The following AQP8 variants were observed in gnomAD, a reference collection of about 807,000 sequenced individuals.
The protein encoded by AQP8 is aquaporin 8, also known as aquaporin-8.
In AQP8, 14 loss-of-function variants were observed where a neutral mutation model predicts 26.1. The ratio of observed to expected loss-of-function variants is 0.54; its 90% CI spans 0.35 to 0.84. The LOEUF is 0.84. Ranked by LOEUF, AQP8 falls within the 40% of genes least tolerant of loss-of-function variation. AQP8 has a pLI of 0.01. For missense variants in AQP8, 301 were observed against 340.5 expected (o/e 0.88, Z 0.91); for synonymous variants, 131 against 150.7 (o/e 0.87, Z 0.96).
chr16:25,222,746 C>T (rs191965139), intron 3 of AQP8, among the ~76,000 whole-genome samples: 2 of 152,066 alleles, frequency 1.3e-5, no homozygotes, highest in Non-Finnish European at 2.9e-5. Context: ...AAGTGCTGAC[C>T]CACCGCAGAC....
rs1555488118 is a variant in AQP8 at position 25,217,058 on chromosome 16, G to T, written c.12+1G>T. ...CCATCTGATCCTGATGTCTGGAGAG[G>T]TGAGCCCTCTGTCGGCATCTTCCTC... On this transcript the variant is annotated splice_donor_variant, in intron 1 of 5. Transcript: ENST00000219660. LOFTEE classifies it high-confidence loss of function. 1 of 1,614,016 alleles carries T rather than the reference G, an allele frequency of 6.2e-7. No individual in the cohort carries two copies. Among genetic ancestry groups the T allele is most frequent in the Non-Finnish European group, 8.5e-7 (1 of 1,180,046 alleles).
rs759578291 is a variant in AQP8 at position 25,217,397 on chromosome 16, C to T, written c.212C>T (p.Ala71Val). ...ACTGGGCTGCTGCAGCCGGCCCTGGCCCACGGGCTGGCTTTGGGGCTCGTG... is the reference window on the plus strand; with the variant it reads ...ACTGGGCTGCTGCAGCCGGCCCTGGTCCACGGGCTGGCTTTGGGGCTCGTG... ...TDTGLLQPAL[A>V]HGLALGLVIA... The change falls in exon 2 of 6, where the codon GCC becomes GTC. Residue 71 changes from alanine to valine, a missense_variant. Ala to Val is a moderately conservative substitution (Grantham distance 64). Transcript: ENST00000219660. 3 of 1,614,116 alleles carry T rather than the reference C, an allele frequency of 1.9e-6. No homozygotes were observed. Among genetic ancestry groups the T allele is most frequent in the Non-Finnish European group, 2.5e-6 (3 of 1,180,008 alleles).
At chr16:25,218,882 AAAACAAACAAAC>A (rs751686924) in intron 2 of AQP8, among the ~76,000 whole-genome samples, 3 of 151,072 alleles carry the variant, frequency 2.0e-5, no homozygotes, top group Non-Finnish European at 4.4e-5. Context: ...CCATCTCCAA[AAAACAAACAAAC>A]AAACAAACAA....
At chr16:25,227,338 A>G in intron 5 of AQP8, 136 bp downstream of exon 5, 1 of 1,084,440 alleles carries the variant, frequency 9.2e-7, no homozygotes, top group Non-Finnish European at 1.3e-6. Flanking sequence ...AGGCAAAGAA[A>G]ATGGCTCCAT....
chr16:25,227,632 G>C (rs1240158517), intron 5 of AQP8, among the ~76,000 whole-genome samples: 1 of 151,998 alleles, frequency 6.6e-6, no homozygotes, highest in African/African-American at 2.4e-5. Flanking sequence ...GGGACTACAG[G>C]CGCCGCCACC....
intron 3 of AQP8, among the ~76,000 whole-genome samples, chr16:25,223,599 C>T (rs180859273): frequency 6.6e-6 from 1 of 152,180 alleles, no homozygotes; most frequent in East Asian, 1.9e-4. Flanking sequence ...GTCCCAGCTA[C>T]ATGAGAGGCT....
intron 2 of AQP8, 148 bp downstream of exon 2, chr16:25,217,593 G>C: frequency 9.0e-7 from 1 of 1,112,778 alleles, no homozygotes; most frequent in South Asian, 1.5e-5. Flanking sequence ...GTCAGACTGG[G>C]GTCAACTCCA....
At chr16:25,222,133 A>C (rs1374884389) in intron 3 of AQP8, among the ~76,000 whole-genome samples, 1 of 150,494 alleles carries the variant, frequency 6.6e-6, no homozygotes, top group East Asian at 2.0e-4. Context: ...TGGTGCAATC[A>C]TAGCTCACTG....
chr16:25,217,161 C>A (rs1353622782), intron 1 of AQP8, 37 bp from the exon 2 acceptor site: 1 of 1,613,372 alleles, frequency 6.2e-7, no homozygotes, highest in Non-Finnish European at 8.5e-7. Context: ...GGACTTGCCT[C>A]CCACCCGTGT....
At chr16:25,228,192 A>G (rs1962660307) in intron 5 of AQP8, among the ~76,000 whole-genome samples, 1 of 151,744 alleles carries the variant, frequency 6.6e-6, no homozygotes, top group South Asian at 2.1e-4. Flanking sequence ...GCTTGAACCC[A>G]GGAGGTGGAA....
At chr16:25,226,476 C>G (rs1298436493) in intron 4 of AQP8, among the ~76,000 whole-genome samples, 1 of 152,196 alleles carries the variant, frequency 6.6e-6, no homozygotes, top group Non-Finnish European at 1.5e-5. Context: ...AGGCTGGTCT[C>G]TAACTCCTGA....
chr16:25,217,267 G>A lies in AQP8; in HGVS notation c.82G>A (p.Val28Met), dbSNP rs777612586. 1.2e-6 allele frequency: 2 copies of A among 1,614,226 alleles called. No individual in the cohort carries two copies. Among genetic ancestry groups the A allele is most frequent in the African/African-American group, 1.3e-5 (1 of 75,068 alleles). The change falls in exon 2 of 6, where the codon GTG (valine) becomes ATG (methionine). Residue 28 changes from valine to methionine, a missense_variant. Transcript: ENST00000219660. ...REPSVGGRWRVSWYERFVQPC... is the reference protein window; with the variant it reads ...REPSVGGRWRMSWYERFVQPC... ...GCCGAGCGTGGGTGGCAGGTGGCGA[G>A]TGTCCTGGTACGAACGGTTTGTGCA...
intron 5 of AQP8, among the ~76,000 whole-genome samples, 193 bp from the exon 6 acceptor site, chr16:25,228,251 A>C (rs1339681910): frequency 6.6e-6 from 1 of 150,974 alleles, no homozygotes; most frequent in African/African-American, 2.4e-5. Context: ...TGGGTGAGTG[A>C]GACTCTGTCT....
intron 4 of AQP8, among the ~76,000 whole-genome samples, chr16:25,225,563 C>T (rs1597630596): frequency 1.3e-5 from 2 of 151,748 alleles, no homozygotes; most frequent in Non-Finnish European, 2.9e-5. Flanking sequence ...TCCGCCACCA[C>T]GCCCGGCTAA....
Position 25,217,041 on chromosome 16 carries a change from T to C in AQP8, c.-5T>C, listed in dbSNP as rs779933112. 11 of 1,613,994 alleles carry C rather than the reference T, an allele frequency of 6.8e-6. No individual in the cohort carries two copies. In the East Asian group the frequency reaches 8.9e-5, roughly 13 times the overall value. ...AGAGTCCGATGTTTGTGCCATCTGA[T>C]CCTGATGTCTGGAGAGGTGAGCCCT... On this transcript the variant is annotated 5_prime_UTR_variant, in exon 1 of 6. Coordinates refer to ENST00000219660, the MANE Select transcript of AQP8 (RefSeq NM_001169.3).
chr16:25,225,728 T>G (rs1195004174), intron 4 of AQP8, among the ~76,000 whole-genome samples: 1 of 151,946 alleles, frequency 6.6e-6, no homozygotes. Context: ...CTTTTTGACT[T>G]CGAAGCTGGA....
intron 3 of AQP8, among the ~76,000 whole-genome samples, chr16:25,223,886 G>A (rs147905305): frequency 2.5e-3 from 379 of 151,546 alleles, no homozygotes; most frequent in Non-Finnish European, 3.5e-3. Context: ...GAGTGCAGTG[G>A]TGTGATCTCA....
chr16:25,224,492 G>A lies in AQP8; in HGVS notation c.518G>A (p.Cys173Tyr). The change falls in exon 4 of 6, where the codon TGC becomes TAC. Residue 173 changes from cysteine (C) to tyrosine (Y), a missense_variant. Cys to Tyr is a radical substitution (Grantham distance 194, BLOSUM62 -2). Coordinates refer to ENST00000219660, the MANE Select transcript of AQP8 (RefSeq NM_001169.3). ...ACGACGCTGCTGGCCCTGGCTGTATGCATGGGTGCCATCAATGAGAAGACA... is the reference window on the plus strand; with the variant it reads ...ACGACGCTGCTGGCCCTGGCTGTATACATGGGTGCCATCAATGAGAAGACA... ...ILTTLLALAV[C>Y]MGAINEKTKG... 1 of 1,614,146 alleles carries A rather than the reference G, an allele frequency of 6.2e-7. No individual in the cohort carries two copies. Among genetic ancestry groups the A allele is most frequent in the Middle Eastern group, 1.7e-4 (1 of 6,038 alleles).
intron 2 of AQP8, 91 bp from the exon 3 acceptor site, chr16:25,221,366 G>T (rs1962559684): frequency 1.3e-6 from 2 of 1,527,880 alleles, no homozygotes; most frequent in Admixed American, 3.5e-5. Context: ...TGAGAGGCCA[G>T]CCTGGTGGGT....
Sources: gnomAD v4.1 joint callset for allele counts (sites outside exome capture counted in the v4.1 genomes callset) on GRCh38, gnomAD v4.1.1 for gene constraint, MANE v1.5 for transcripts, NCBI Gene and HGNC (gene_info 2026-07-23, HGNC 2026-07-21) for gene names.